The following LEKR1 variants were observed in gnomAD, a reference collection of about 807,000 sequenced individuals.
LEKR1 encodes leucine, glutamate and lysine rich 1.
LEKR1 carries 59 observed loss-of-function variants against 72.4 expected under a neutral mutation model. The observed-to-expected ratio is 0.82, with a 90% confidence interval of 0.66 to 1.01. The LOEUF (loss-of-function observed/expected upper bound fraction) is 1.01, where lower values mean the gene tolerates loss of function less well. Ranked by LOEUF, LEKR1 falls within the 50% of genes least tolerant of loss-of-function variation. The pLI is 0.00. For missense variants in LEKR1, 728 were observed against 759.2 expected (o/e 0.96, Z 0.48); for synonymous variants, 257 against 263.2 (o/e 0.98, Z 0.23).
intron 3 of LEKR1, among the ~76,000 whole-genome samples, chr3:156,873,703 C>T (rs958442708): frequency 2.6e-5 from 4 of 151,918 alleles, no homozygotes; most frequent in East Asian, 1.9e-4. Context: ...ATTCCCTCAG[C>T]TTTTGCATGT....
chr3:157,014,058 A>G (rs932641426), intron 10 of LEKR1, among the ~76,000 whole-genome samples: 4 of 152,116 alleles, frequency 2.6e-5, no homozygotes, highest in Non-Finnish European at 5.9e-5. Flanking sequence ...TTACTACTTG[A>G]AGAAAGCAAA....
intron 3 of LEKR1, among the ~76,000 whole-genome samples, chr3:156,859,951 T>C (rs897170502): frequency 3.9e-5 from 6 of 152,198 alleles, no homozygotes; most frequent in Admixed American, 3.9e-4. Flanking sequence ...TGTTGGTGGT[T>C]CTGGGTTGGA....
intron 6 of LEKR1, among the ~76,000 whole-genome samples, chr3:156,945,530 C>G (rs143891713): frequency 6.6e-6 from 1 of 151,760 alleles, no homozygotes; most frequent in Non-Finnish European, 1.5e-5. Context: ...TTGCCTAGTC[C>G]AATGTCCTGG....
At chr3:156,849,880 A>G (rs1270867910) in intron 2 of LEKR1, among the ~76,000 whole-genome samples, 1 of 152,228 alleles carries the variant, frequency 6.6e-6, no homozygotes, top group Non-Finnish European at 1.5e-5. Flanking sequence ...ACCAAAAGCA[A>G]TGGCAACAAA....
chr3:156,884,994 G>T (rs1719899686), intron 3 of LEKR1, among the ~76,000 whole-genome samples: 1 of 151,952 alleles, frequency 6.6e-6, no homozygotes, highest in Admixed American at 6.6e-5. Flanking sequence ...TTTTCTCTTT[G>T]TCTTTGTCAG....
chr3:157,000,937 T>C (rs984115837), intron 9 of LEKR1, among the ~76,000 whole-genome samples: 2 of 152,298 alleles, frequency 1.3e-5, no homozygotes, highest in South Asian at 2.1e-4. Flanking sequence ...TCAAGACATC[T>C]AACAGTTTTA....
At chr3:156,965,415 A>T (rs1456966167) in intron 6 of LEKR1, among the ~76,000 whole-genome samples, 1 of 152,150 alleles carries the variant, frequency 6.6e-6, no homozygotes, top group African/African-American at 2.4e-5. Flanking sequence ...TTGGTCCTTA[A>T]TATTAGAATG....
intron 2 of LEKR1, among the ~76,000 whole-genome samples, chr3:156,850,160 T>G (rs1444369842): frequency 6.6e-6 from 1 of 152,050 alleles, no homozygotes; most frequent in Non-Finnish European, 1.5e-5. Context: ...CGTGAAAAAA[T>G]GCTCATCATC....
intron 5 of LEKR1, among the ~76,000 whole-genome samples, chr3:156,931,311 A>G (rs2321293): frequency 0.84 from 128,281 of 152,048 alleles, 54,281 homozygotes; most frequent in African/African-American, 0.91. Flanking sequence ...TTATTAGCTC[A>G]TCTGCTTGAC....
intron 2 of LEKR1, among the ~76,000 whole-genome samples, chr3:156,831,083 G>C (rs1712322095): frequency 6.6e-6 from 1 of 152,122 alleles, no homozygotes; most frequent in Admixed American, 6.5e-5. Flanking sequence ...TGCAGGGTAG[G>C]GATTTTCAAG....
chr3:156,972,296 A>T (rs1729279665), intron 6 of LEKR1, among the ~76,000 whole-genome samples: 1 of 151,762 alleles, frequency 6.6e-6, no homozygotes, highest in African/African-American at 2.4e-5. Flanking sequence ...AACAATGAGA[A>T]TACATGGACA....
chr3:156,944,139 AAAGTAGT>A (rs1378464477), intron 6 of LEKR1, among the ~76,000 whole-genome samples: 4 of 151,668 alleles, frequency 2.6e-5, no homozygotes, highest in African/African-American at 9.7e-5. Context: ...TAGTCTTATT[AAAGTAGT>A]CCCATTCCTA....
chr3:156,853,771 T>C (rs1715683339), intron 3 of LEKR1, among the ~76,000 whole-genome samples: 2 of 151,954 alleles, frequency 1.3e-5, no homozygotes, highest in Non-Finnish European at 2.9e-5. Context: ...CTTAGTTTTT[T>C]ACCAAAAAAA....
chr3:156,867,673 A>G (rs969807019), intron 3 of LEKR1, among the ~76,000 whole-genome samples: 1 of 151,992 alleles, frequency 6.6e-6, no homozygotes, highest in African/African-American at 2.4e-5. Flanking sequence ...CATGCAGCAA[A>G]TAGGTATATA....
At chr3:156,897,944 C>CTCTG (rs952633672) in intron 3 of LEKR1, among the ~76,000 whole-genome samples, 5 of 147,540 alleles carry the variant, frequency 3.4e-5, no homozygotes, top group Non-Finnish European at 7.4e-5. Flanking sequence ...CAAAGCAAGA[C>CTCTG]TCTGTCTCCA....
chr3:157,029,017 T>C (rs971970404), intron 12 of LEKR1, among the ~76,000 whole-genome samples: 6 of 152,210 alleles, frequency 3.9e-5, no homozygotes, highest in Admixed American at 3.9e-4. Flanking sequence ...TCATCTGTTC[T>C]CTAATCATCA....
rs571735149 is a variant in LEKR1 at position 156,846,797 on chromosome 3, A to ATATG, written c.49-5951_49-5948dup. 3.0e-3 allele frequency among the ~76,000 whole-genome samples: 457 copies of ATATG among 152,120 alleles called. 1 individual carries two copies. The highest frequency in any genetic ancestry group is 0.014 in the Middle Eastern group (4 of 294). ...ATGGGTGGGAGAAGGAGGCACAATTATATGTATGTATGTATGTATGTATTT... is the reference window on the plus strand; with the variant it reads ...ATGGGTGGGAGAAGGAGGCACAATTATATGTATGTATGTATGTATGTATGTATTT... On this transcript the variant is annotated intron_variant, in intron 2 of 12. Coordinates refer to ENST00000356539, the MANE Select transcript of LEKR1 (RefSeq NM_001004316.3).
intron 3 of LEKR1, among the ~76,000 whole-genome samples, chr3:156,884,230 G>C (rs1048613790): frequency 2.6e-5 from 4 of 152,102 alleles, no homozygotes; most frequent in African/African-American, 9.7e-5. Flanking sequence ...CCATTCTGCT[G>C]TTCTGTATAT....
At chr3:156,971,496 T>C (rs1729189325) in intron 6 of LEKR1, among the ~76,000 whole-genome samples, 1 of 152,288 alleles carries the variant, frequency 6.6e-6, no homozygotes, top group Non-Finnish European at 1.5e-5. Context: ...AAATGGGATC[T>C]AATTGAACTA....
Sources: gnomAD v4.1 joint callset for allele counts (sites outside exome capture counted in the v4.1 genomes callset) on GRCh38, gnomAD v4.1.1 for gene constraint, MANE v1.5 for transcripts, NCBI Gene and HGNC (gene_info 2026-07-23, HGNC 2026-07-21) for gene names.